Variants in SHF observed in about 807,000 individuals in gnomAD.
SHF encodes SH2 domain-containing adapter protein F.
SHF carries 30 observed loss-of-function variants against 42.4 expected under a neutral mutation model. The observed-to-expected ratio is 0.71, with a 90% CI of 0.53 to 0.96. The LOEUF is 0.96. SHF is among the 40% of genes least tolerant of loss of function. The pLI is 0.00. For missense variants in SHF, 598 were observed against 634.0 expected, an observed-to-expected ratio of 0.94 and a Z score of 0.61; for synonymous variants, 264 against 269.9, an observed-to-expected ratio of 0.98 and a Z score of 0.21.
At chr15:45,192,159 A>T (rs1898724653), upstream of SHF, among the ~76,000 whole-genome samples, 1 of 151,932 alleles carries the variant, frequency 6.6e-6, no homozygotes, top group Non-Finnish European at 1.5e-5. Context: ...CACATTTAGG[A>T]AATTTAATAT....
chr15:45,187,694 G>A lies in SHF; in HGVS notation c.258C>T (p.Pro86=). The A allele has an allele frequency of 8.3e-7, 1 of 1,206,990 alleles. No homozygotes were observed. Among genetic ancestry groups the A allele is most frequent in the Non-Finnish European group, 1.0e-6 (1 of 966,924 alleles). The allele number at this position is 1,206,990 out of a possible 1,614,324, so 74.8% of individuals were successfully genotyped here. ...CCAGGATGTCCGGGGGCGGCGCGGG[G>A]GGCGCGGCCGGAGAGGGCGCAGGGG... ...YRPPAPSPAA[P]PAPPPDILAA... Residue 86 remains proline, a synonymous_variant, in exon 1 of 7, where the codon CCC becomes CCT. Transcript: ENST00000690270.
upstream of SHF, among the ~76,000 whole-genome samples, chr15:45,192,807 G>C (rs1282482038): frequency 6.6e-6 from 1 of 152,034 alleles, no homozygotes; most frequent in Non-Finnish European, 1.5e-5. Flanking sequence ...AAATGTCCAG[G>C]CCAATTGTCA....
chr15:45,187,850 ACCCCCGGCGCCCCGGCGGGACC>A lies in SHF; in HGVS notation c.80_101del (p.Gly27ValfsTer14). ...CGCCCCCTCCTGGGCCGGCTCCCGCACCCCCGGCGCCCCGGCGGGACCCCCCCGGGCCGCCCCCAGCGCTCCC... is the reference window on the plus strand; with the variant it reads ...CGCCCCCTCCTGGGCCGGCTCCCGCACCCCCGGGCCGCCCCCAGCGCTCCC... On this transcript the variant is annotated frameshift_variant, in exon 1 of 7. Coordinates refer to ENST00000690270, the MANE Select transcript of SHF (RefSeq NM_001394037.1). LOFTEE classifies it high-confidence loss of function. The A allele has an allele frequency of 9.5e-7, 1 of 1,056,336 alleles. No individual in the cohort carries two copies. Among genetic ancestry groups the A allele is most frequent in the Non-Finnish European group, 1.2e-6 (1 of 842,576 alleles). The allele number at this position is 1,056,336 out of a possible 1,614,324, so 65.4% of individuals were successfully genotyped here.
chr15:45,185,135 C>T (rs1898321893), intron 1 of SHF, among the ~76,000 whole-genome samples: 1 of 152,244 alleles, frequency 6.6e-6, no homozygotes, highest in African/African-American at 2.4e-5. Context: ...GGTTCTGACT[C>T]CCCCAGCCCC....
chr15:45,169,527 G>A (rs1770908371), intron 6 of SHF, among the ~76,000 whole-genome samples: 1 of 152,220 alleles, frequency 6.6e-6, no homozygotes, highest in Non-Finnish European at 1.5e-5. Context: ...CAGCCCCTGT[G>A]GGTGGTGGAG....
chr15:45,198,788 C>T (rs1425203337), exon 2 of SHF: 1 of 1,612,300 alleles, frequency 6.2e-7, no homozygotes, highest in East Asian at 2.2e-5. Flanking sequence ...AGGTTCCAGC[C>T]TGTCCCTGAG....
chr15:45,181,575 G>A (rs1898129133), intron 1 of SHF, among the ~76,000 whole-genome samples: 1 of 152,188 alleles, frequency 6.6e-6, no homozygotes, highest in African/African-American at 2.4e-5. Context: ...CAATCTCAGG[G>A]CTGGCACACA....
At chr15:45,177,597 C>T (rs1317890494) in intron 2 of SHF, among the ~76,000 whole-genome samples, 1 of 152,166 alleles carries the variant, frequency 6.6e-6, no homozygotes, top group Non-Finnish European at 1.5e-5. Flanking sequence ...ATCATTTGCT[C>T]CTGAACAAAC....
chr15:45,172,261 CG>C lies in SHF; in HGVS notation c.1045del (p.Arg349GlyfsTer17). The C allele has an allele frequency of 6.2e-7, 1 of 1,613,296 alleles. No homozygotes were observed. Among genetic ancestry groups the C allele is most frequent in the Non-Finnish European group, 8.5e-7 (1 of 1,179,512 alleles). ...CCCTGCAGAGAGTCGGGGAGGTAGC[CG>C]CCCCTTCTCCTCCCGGCCAGGTGAC... ...CLSPGREEKGRLPPRLSAGNP... is the reference protein window; with the variant it reads ...CLSPGREEKGXLPPRLSAGNP... On this transcript the variant is annotated frameshift_variant, in exon 5 of 7. Coordinates refer to ENST00000690270, the MANE Select transcript of SHF (RefSeq NM_001394037.1). LOFTEE classifies it high-confidence loss of function.
chr15:45,193,537 A>C (rs1232156039), intron 2 of SHF, among the ~76,000 whole-genome samples: 2 of 152,210 alleles, frequency 1.3e-5, no homozygotes, highest in Admixed American at 6.5e-5. Context: ...CAGAGGAAAC[A>C]ATAGGGCAGA....
At chr15:45,191,435 G>T (rs1320730181), upstream of SHF, among the ~76,000 whole-genome samples, 5 of 152,166 alleles carry the variant, frequency 3.3e-5, no homozygotes. Flanking sequence ...TGATCCTCCC[G>T]CTTGGGCCTC....
chr15:45,188,103 C>T (rs967680075), upstream of SHF: 7 of 315,244 alleles, frequency 2.2e-5, no homozygotes, highest in Non-Finnish European at 2.7e-5. Context: ...CAGGGTCTTC[C>T]TCCTCCCGTA....
At chr15:45,196,824 G>A (rs540978878) in intron 2 of SHF, among the ~76,000 whole-genome samples, 72 of 151,800 alleles carry the variant, frequency 4.7e-4, no homozygotes, top group African/African-American at 1.7e-3. Flanking sequence ...GCGTGAACCT[G>A]GGAGGCGGAG....
At chr15:45,200,225 C>T (rs979370491) in intron 1 of SHF, 3 of 158,222 alleles carry the variant, frequency 1.9e-5, no homozygotes, top group Admixed American at 1.8e-4. Flanking sequence ...TTCAAGAACG[C>T]GCCCAGGCTC....
intron 2 of SHF, chr15:45,198,725 C>G: frequency 6.4e-7 from 1 of 1,567,306 alleles, no homozygotes; most frequent in Non-Finnish European, 8.6e-7. Flanking sequence ...TCCTCTTCAA[C>G]AGTCATAGGC....
chr15:45,180,033 C>T (rs1449749351), intron 1 of SHF, among the ~76,000 whole-genome samples: 1 of 152,162 alleles, frequency 6.6e-6, no homozygotes, highest in African/African-American at 2.4e-5. Context: ...TCAGCTCCCA[C>T]CTTGTTCTAT....
intron 2 of SHF, among the ~76,000 whole-genome samples, chr15:45,177,607 C>T (rs536155643): frequency 4.6e-5 from 7 of 152,184 alleles, no homozygotes; most frequent in Non-Finnish European, 8.8e-5. Context: ...CCTGAACAAA[C>T]TTCCTCTCAC....
At chr15:45,183,641 G>C (rs940230623) in intron 1 of SHF, among the ~76,000 whole-genome samples, 1 of 152,248 alleles carries the variant, frequency 6.6e-6, no homozygotes, top group Non-Finnish European at 1.5e-5. Context: ...GCCAGGGCTT[G>C]TTCAGCCTAG....
intron 5 of SHF, 26 bp downstream of exon 5, chr15:45,172,121 G>A: frequency 6.2e-7 from 1 of 1,613,706 alleles, no homozygotes; most frequent in South Asian, 1.1e-5. Context: ...TGGGGAGGGA[G>A]TCCCCAGCTG....
Sources: allele counts gnomAD v4.1 joint callset (sites outside exome capture counted in the v4.1 genomes callset), GRCh38; gene constraint gnomAD v4.1.1; transcripts MANE v1.5; gene names NCBI Gene and HGNC (gene_info 2026-07-23, HGNC 2026-07-21).